The following YAP1 variants were observed in gnomAD, a reference collection of about 807,000 sequenced individuals.
YAP1 encodes the protein Yes1 associated transcriptional regulator.
Under a neutral mutation model 56.9 loss-of-function variants are expected in YAP1, and 5 were observed. The observed-to-expected ratio is 0.09, with a 90% CI of 0.05 to 0.18. The LOEUF is 0.18. Ranked by LOEUF, YAP1 falls within the 10% of genes least tolerant of loss-of-function variation. The pLI is 1.00. For synonymous variants in YAP1, 265 were observed against 248.1 expected (o/e 1.07, Z -0.64); for missense variants, 539 against 651.8 (o/e 0.83, Z 1.88).
In YAP1 at chr11:102,205,979, G is replaced by A; in HGVS notation, c.889G>A (p.Gly297Ser). The change falls in exon 5 of 9, where the codon GGC becomes AGC. Residue 297 changes from glycine to serine, a missense_variant. Transcript: ENST00000282441. ...GAGCCCACAGGGAGGCGTCATGGGT[G>A]GCAGCAACTCCAACCAGCAGCAACA... ...PQSPQGGVMG[G>S]SNSNQQQQMR... 2 of 1,613,686 alleles carry A rather than the reference G, an allele frequency of 1.2e-6. No homozygotes were observed. Among genetic ancestry groups the A allele is most frequent in the Non-Finnish European group, 1.7e-6 (2 of 1,179,932 alleles).
intron 3 of YAP1, among the ~76,000 whole-genome samples, chr11:102,163,453 T>C (rs1361730413): frequency 6.6e-6 from 1 of 152,150 alleles, no homozygotes; most frequent in Non-Finnish European, 1.5e-5. Flanking sequence ...AAGGTGCCCT[T>C]CCTCTGGGAA....
chr11:102,128,882 A>G (rs537350286), intron 2 of YAP1, among the ~76,000 whole-genome samples: 173 of 152,256 alleles, frequency 1.1e-3, no homozygotes, highest in African/African-American at 4.0e-3. Context: ...CTTTAAAGTA[A>G]AACAGCCTTA....
intron 6 of YAP1, among the ~76,000 whole-genome samples, chr11:102,219,527 C>T (rs1430777138): frequency 2.0e-5 from 3 of 152,022 alleles, no homozygotes; most frequent in African/African-American, 7.2e-5. Context: ...AGACAGACTA[C>T]AATGAGTGTA....
At chr11:102,173,149 A>C (rs1359163807) in intron 3 of YAP1, among the ~76,000 whole-genome samples, 1 of 152,216 alleles carries the variant, frequency 6.6e-6, no homozygotes, top group African/African-American at 2.4e-5. Context: ...CTTGAGTACT[A>C]GTGGACGAGT....
chr11:102,128,197 G>C (rs959267687), intron 2 of YAP1, among the ~76,000 whole-genome samples: 4 of 152,098 alleles, frequency 2.6e-5, no homozygotes, highest in Non-Finnish European at 5.9e-5. Flanking sequence ...ATTTGGAGGG[G>C]CCAACGGCAG....
intron 6 of YAP1, among the ~76,000 whole-genome samples, chr11:102,212,331 A>T (rs1949441591): frequency 6.6e-6 from 1 of 152,190 alleles, no homozygotes. Context: ...ATAGGATTTA[A>T]CATATCATGT....
At chr11:102,195,851 A>G (rs771859113) in intron 4 of YAP1, among the ~76,000 whole-genome samples, 1 of 152,210 alleles carries the variant, frequency 6.6e-6, no homozygotes, top group Admixed American at 6.5e-5. Context: ...AATTGGTACC[A>G]GAAGTGGGGA....
chr11:102,117,849 A>G (rs983112), intron 2 of YAP1, among the ~76,000 whole-genome samples: 79,539 of 152,110 alleles, frequency 0.52, 21,258 homozygotes, highest in East Asian at 0.67. Flanking sequence ...TTTCATTTTA[A>G]AAGAATTCAT....
At position 102,211,248 on chromosome 11, in the gene YAP1, T is replaced by A. The variant is rs559121883; in HGVS notation, c.1032+1684T>A. Among the ~76,000 whole-genome samples, 58 of 152,334 alleles carry A rather than the reference T, an allele frequency of 3.8e-4. 1 individual carries two copies. Among genetic ancestry groups the A allele is most frequent in the Admixed American group, 3.5e-3 (53 of 15,300 alleles). Reference sequence around the variant, plus strand: ...AAATAAGTCAAATTCTTCTTGATCTTTGTTTCATACTTGAATAGAAAAGTA... The same window carrying A: ...AAATAAGTCAAATTCTTCTTGATCTATGTTTCATACTTGAATAGAAAAGTA... On this transcript the variant is annotated intron_variant, in intron 6 of 8. Coordinates refer to ENST00000282441, the MANE Select transcript of YAP1 (RefSeq NM_001130145.3).
chr11:102,157,279 A>G (rs545665956), intron 2 of YAP1, among the ~76,000 whole-genome samples: 1 of 152,344 alleles, frequency 6.6e-6, no homozygotes, highest in African/African-American at 2.4e-5. Flanking sequence ...GACATATACA[A>G]ATATAAAAAG....
intron 2 of YAP1, 102 bp downstream of exon 2, chr11:102,114,496 T>A: frequency 1.5e-6 from 2 of 1,364,876 alleles, no homozygotes; most frequent in African/African-American, 1.5e-5. Context: ...ATTTTTATGT[T>A]TTATTTAATA....
At chr11:102,124,752 GA>G (rs1227090138) in intron 2 of YAP1, among the ~76,000 whole-genome samples, 4 of 151,988 alleles carry the variant, frequency 2.6e-5, no homozygotes, top group Non-Finnish European at 5.9e-5. Context: ...GATGATGTGG[GA>G]GGGGGGCGGT....
chr11:102,174,272 T>A (rs1240630313), intron 3 of YAP1, among the ~76,000 whole-genome samples: 1 of 152,130 alleles, frequency 6.6e-6, no homozygotes, highest in East Asian at 1.9e-4. Context: ...ATAAAAACCC[T>A]GCAAAATATA....
intron 4 of YAP1, among the ~76,000 whole-genome samples, chr11:102,194,952 A>G (rs576957078): frequency 1.3e-5 from 2 of 152,082 alleles, no homozygotes; most frequent in African/African-American, 4.8e-5. Flanking sequence ...GAGACGGTGT[A>G]TCTCTGTGTT....
At position 102,124,000 on chromosome 11, in the gene YAP1, G is replaced by A. The variant is rs376341850; in HGVS notation, c.572+9606G>A. Among the ~76,000 whole-genome samples, 80 of 150,852 alleles carry A rather than the reference G, an allele frequency of 5.3e-4. No individual in the cohort carries two copies. The East Asian group carries it at 0.013, about 24-fold the overall frequency. On this transcript the variant is annotated intron_variant, in intron 2 of 8. Transcript: ENST00000282441. ...GGAGTCTTGCTTTGTCACCCAGGCT[G>A]GAGTGCAGGGGTGTGATCTCGGCTC... is the stretch of plus-strand genomic sequence containing the variant.
intron 3 of YAP1, among the ~76,000 whole-genome samples, chr11:102,168,170 T>C (rs995540578): frequency 1.3e-5 from 2 of 152,208 alleles, no homozygotes. Context: ...TGTTCAGCAT[T>C]AGAAAAGAAA....
At chr11:102,111,505 A>C in intron 1 of YAP1, among the ~76,000 whole-genome samples, 1 of 88,152 alleles carries the variant, frequency 1.1e-5, no homozygotes, top group South Asian at 5.8e-4. Context: ...GTGGGGAGGA[A>C]GGAAGGGGGT....
intron 3 of YAP1, among the ~76,000 whole-genome samples, chr11:102,173,967 T>A (rs1030680370): frequency 1.3e-5 from 2 of 152,240 alleles, no homozygotes; most frequent in African/African-American, 4.8e-5. Context: ...GCTTCTTAAT[T>A]TGTAATGTGT....
intron 3 of YAP1, among the ~76,000 whole-genome samples, chr11:102,173,103 C>A (rs960057879): frequency 2.0e-5 from 3 of 152,026 alleles, no homozygotes; most frequent in African/African-American, 7.2e-5. Flanking sequence ...GAGAGGATGA[C>A]CAAAGTGGTG....
Sources: allele counts gnomAD v4.1 joint callset (sites outside exome capture counted in the v4.1 genomes callset), GRCh38; gene constraint gnomAD v4.1.1; transcripts MANE v1.5; gene names NCBI Gene and HGNC (gene_info 2026-07-23, HGNC 2026-07-21).